PRKG1: variants seen among roughly 807,000 people sequenced by gnomAD.
PRKG1 encodes cGMP-dependent protein kinase 1.
Under a neutral mutation model 88.1 loss-of-function variants are expected in PRKG1, and 35 were observed. That is an observed-to-expected ratio of 0.40 (90% CI 0.30 to 0.53). The LOEUF is 0.53. Among genes scored for constraint, PRKG1 ranks in the 20% least tolerant of loss-of-function variants. The pLI is 0.59. For missense variants in PRKG1, 540 were observed against 839.8 expected (o/e 0.64, Z 4.41); for synonymous variants, 303 against 292.5 (o/e 1.04, Z -0.37).
chr10:52,224,838 T>TATATATATATATACAC (rs1172536011), intron 9 of PRKG1, among the ~76,000 whole-genome samples: 1 of 135,812 alleles, frequency 7.4e-6, no homozygotes, highest in African/African-American at 2.9e-5. Flanking sequence ...TATATATATA[T>TATATATATATATACAC]ACATACATAC....
intron 2 of PRKG1, among the ~76,000 whole-genome samples, chr10:51,209,044 C>T (rs1441017056): frequency 6.6e-6 from 1 of 152,152 alleles, no homozygotes; most frequent in African/African-American, 2.4e-5. Flanking sequence ...AATCAACTAA[C>T]TAGAAGCCCC....
At chr10:51,274,626 G>C (rs60806033) in intron 2 of PRKG1, among the ~76,000 whole-genome samples, 2 of 152,020 alleles carry the variant, frequency 1.3e-5, no homozygotes, top group Admixed American at 6.5e-5. Context: ...GTTATTGATC[G>C]ATCCTGTTAG....
At chr10:52,271,515 C>G (rs554919551) in intron 11 of PRKG1, 26 bp downstream of exon 11, 1 of 1,603,496 alleles carries the variant, frequency 6.2e-7, no homozygotes. Flanking sequence ...CAGGGACAGA[C>G]GTACCCAACT....
intron 3 of PRKG1, among the ~76,000 whole-genome samples, chr10:51,762,698 A>C (rs1447919003): frequency 6.6e-6 from 1 of 152,214 alleles, no homozygotes; most frequent in Non-Finnish European, 1.5e-5. Context: ...AGAAGAAAAC[A>C]GTGACTTGCC....
At position 52,297,962 on chromosome 10, in the gene PRKG1, C is replaced by T. The variant is rs1419382751; in HGVS notation, c.*4062C>T. 6.6e-6 allele frequency: 1 copy of T among 152,126 alleles called. No individual in the cohort carries two copies. The highest frequency in any genetic ancestry group is 1.9e-4 in the East Asian group (1 of 5,198). The allele number at this position is 152,126 out of a possible 1,614,324, so 9.4% of individuals were successfully genotyped here. A position where few individuals can be genotyped will look rare whatever the true frequency, so the allele number is the denominator to read the frequency against. On this transcript the variant is annotated 3_prime_UTR_variant, in exon 18 of 18. Coordinates refer to ENST00000373980, the MANE Select transcript of PRKG1 (RefSeq NM_006258.4). The stretch of plus-strand genomic sequence containing the variant: ...GTGTTGTTAGCCCTCCTCTCTGCCC[C>T]TGAATCAACAGACAGAGCTCTGGGA...
At chr10:51,074,454 G>C (rs1407203134), upstream of PRKG1, 3 of 1,458,520 alleles carry the variant, frequency 2.1e-6, no homozygotes, top group East Asian at 7.5e-5. Flanking sequence ...CAGAAGCCAG[G>C]GCTGGCTTTG....
At chr10:51,835,857 G>A (rs1013092090) in intron 4 of PRKG1, among the ~76,000 whole-genome samples, 5 of 152,130 alleles carry the variant, frequency 3.3e-5, no homozygotes, top group Non-Finnish European at 4.4e-5. Context: ...CCTGCCAACA[G>A]TATACAAGGG....
chr10:52,204,080 T>C (rs1839746258), intron 9 of PRKG1, among the ~76,000 whole-genome samples: 1 of 47,878 alleles, frequency 2.1e-5, no homozygotes, highest in Admixed American at 2.8e-4. Flanking sequence ...CTGGTTATTA[T>C]TATTATTATT....
At chr10:52,046,929 A>G (rs997781839) in intron 5 of PRKG1, 1 of 152,146 alleles carries the variant, frequency 6.6e-6, no homozygotes, top group Admixed American at 6.6e-5. Context: ...ATCTGGAGGC[A>G]AGTTTTTATT....
chr10:52,128,421 G>C, intron 7 of PRKG1: 1 of 985,356 alleles, frequency 1.0e-6, no homozygotes, highest in Middle Eastern at 5.2e-4. Flanking sequence ...AAGAGAATTG[G>C]TTTAGAACCA....
At chr10:51,152,717 A>G (rs1193072228) in intron 1 of PRKG1, among the ~76,000 whole-genome samples, 1 of 152,072 alleles carries the variant, frequency 6.6e-6, no homozygotes, top group African/African-American at 2.4e-5. Flanking sequence ...ATAATTGTGT[A>G]TAGTACAATA....
intron 3 of PRKG1, among the ~76,000 whole-genome samples, chr10:51,509,281 C>A (rs746786678): frequency 2.0e-5 from 3 of 152,176 alleles, no homozygotes; most frequent in Admixed American, 6.6e-5. Context: ...AAATACACTT[C>A]AGCTGATAAG....
rs574395360 is a variant in PRKG1, at chr10:51,128,199, TG to T, written c.312-24964del. Among the ~76,000 whole-genome samples, 163 of 87,388 alleles carry T rather than the reference TG, an allele frequency of 1.9e-3. 2 individuals are homozygous for T. The Middle Eastern group carries it at 0.02, about 11-fold the overall frequency. The allele number at this position is 87,388 out of a possible 152,430, so 57.3% of individuals were successfully genotyped here. On this transcript the variant is annotated intron_variant, in intron 1 of 17. Coordinates refer to ENST00000373980, the MANE Select transcript of PRKG1 (RefSeq NM_006258.4). Reference sequence around the variant, plus strand: ...TTTGCTTTAAGAAATGAGAGGTTTTTGTGATACTTAAAAAAAATCCGGATAG... The same window carrying T: ...TTTGCTTTAAGAAATGAGAGGTTTTTTGATACTTAAAAAAAATCCGGATAG...
chr10:51,576,674 A>AC (rs1261160548), intron 3 of PRKG1, among the ~76,000 whole-genome samples: 1 of 152,012 alleles, frequency 6.6e-6, no homozygotes, highest in African/African-American at 2.4e-5. Context: ...CTTCCCAGCA[A>AC]CAAGGTAAGA....
intron 1 of PRKG1, among the ~76,000 whole-genome samples, chr10:51,093,830 ACACACG>A (rs1844459918): frequency 6.7e-6 from 1 of 149,580 alleles, no homozygotes; most frequent in African/African-American, 2.4e-5. Context: ...ACACACACAC[ACACACG>A]CCATGCACTC....
At chr10:51,207,655 C>G (rs1838096733) in intron 2 of PRKG1, among the ~76,000 whole-genome samples, 1 of 152,110 alleles carries the variant, frequency 6.6e-6, no homozygotes, top group Admixed American at 6.6e-5. Context: ...GCCCCCATTT[C>G]CTCTACTTGT....
chr10:51,371,931 G>A (rs1420989384), intron 2 of PRKG1, among the ~76,000 whole-genome samples: 2 of 150,896 alleles, frequency 1.3e-5, no homozygotes, highest in African/African-American at 4.9e-5. Context: ...CCCAGCTCAG[G>A]GTGATGGTAC....
intron 1 of PRKG1, among the ~76,000 whole-genome samples, chr10:51,011,408 A>G (rs182985169): frequency 6.6e-6 from 1 of 152,144 alleles, no homozygotes; most frequent in African/African-American, 2.4e-5. Flanking sequence ...TTCACCCGCA[A>G]CTGAAATCAC....
intron 2 of PRKG1, among the ~76,000 whole-genome samples, chr10:51,256,272 A>G (rs563525101): frequency 2.6e-5 from 4 of 152,262 alleles, no homozygotes; most frequent in Middle Eastern, 3.4e-3. Flanking sequence ...TTTTCCTTTT[A>G]GTAAATATTA....
Sources: allele counts gnomAD v4.1 joint callset (sites outside exome capture counted in the v4.1 genomes callset), GRCh38; gene constraint gnomAD v4.1.1; transcripts MANE v1.5; gene names NCBI Gene and HGNC (gene_info 2026-07-23, HGNC 2026-07-21).